The following TRHDE variants were observed in gnomAD, a reference collection of about 807,000 sequenced individuals.
TRHDE encodes the protein thyrotropin-releasing hormone-degrading ectoenzyme.
A neutral mutation model predicts 125.7 loss-of-function variants in TRHDE; 72 were observed. The observed-to-expected ratio is 0.57, with a 90% confidence interval of 0.47 to 0.70. The LOEUF (loss-of-function observed/expected upper bound fraction) is 0.70. TRHDE is among the 30% of genes least tolerant of loss of function. TRHDE has a pLI of 0.00. For missense variants in TRHDE, 1,110 were observed against 1,327.1 expected (o/e 0.84, Z 2.54); for synonymous variants, 509 against 509.1 (o/e 1.00, Z 0.00).
intron 15 of TRHDE, among the ~76,000 whole-genome samples, chr12:72,630,395 G>T (rs1873444329): frequency 6.6e-6 from 1 of 151,734 alleles, no homozygotes. Flanking sequence ...GCCATTAGAA[G>T]CTGGAGAGAG....
At chr12:72,395,716 C>T (rs1872761495) in intron 3 of TRHDE, among the ~76,000 whole-genome samples, 1 of 152,108 alleles carries the variant, frequency 6.6e-6, no homozygotes, top group African/African-American at 2.4e-5. Flanking sequence ...TATTCTATGC[C>T]TGCATTGACT....
intron 2 of TRHDE, among the ~76,000 whole-genome samples, chr12:72,233,542 G>C (rs1202062267): frequency 6.6e-6 from 1 of 152,112 alleles, no homozygotes; most frequent in East Asian, 1.9e-4. Context: ...AAGCAAATTT[G>C]TTTTCTAAGT....
chr12:72,307,571 T>C (rs1215354376), intron 2 of TRHDE, among the ~76,000 whole-genome samples: 1 of 152,086 alleles, frequency 6.6e-6, no homozygotes, highest in East Asian at 1.9e-4. Context: ...TACTGTAGTG[T>C]GTGGAGTTGA....
At chr12:72,218,701 C>T (rs1367301094) in intron 2 of TRHDE, among the ~76,000 whole-genome samples, 4 of 152,094 alleles carry the variant, frequency 2.6e-5, no homozygotes, top group South Asian at 4.1e-4. Flanking sequence ...ACTGCATACA[C>T]ATAACTCTAA....
At chr12:72,457,887 A>G (rs1875938104) in intron 3 of TRHDE, among the ~76,000 whole-genome samples, 2 of 152,174 alleles carry the variant, frequency 1.3e-5, no homozygotes, top group Admixed American at 6.5e-5. Context: ...GGTCATTTAT[A>G]AATAGTATTG....
chr12:72,606,405 C>T (rs899186191), intron 12 of TRHDE, among the ~76,000 whole-genome samples: 5 of 152,156 alleles, frequency 3.3e-5, no homozygotes, highest in African/African-American at 1.2e-4. Flanking sequence ...AGATGCATGG[C>T]ACGTGATGCT....
At chr12:72,351,382 A>G (rs1429711342) in intron 2 of TRHDE, among the ~76,000 whole-genome samples, 2 of 151,958 alleles carry the variant, frequency 1.3e-5, no homozygotes, top group Admixed American at 1.3e-4. Context: ...TCTCTGATGG[A>G]TCCATGGAAA....
chr12:72,523,013 AT>A (rs1868273916), intron 6 of TRHDE, among the ~76,000 whole-genome samples: 2 of 151,856 alleles, frequency 1.3e-5, no homozygotes, highest in Non-Finnish European at 2.9e-5. Context: ...TTGAGAAAAC[AT>A]TTTTATAGCT....
At chr12:72,516,651 A>G (rs527270264) in intron 6 of TRHDE, among the ~76,000 whole-genome samples, 1 of 151,550 alleles carries the variant, frequency 6.6e-6, no homozygotes, top group South Asian at 2.1e-4. Flanking sequence ...TCTCCTGCCT[A>G]ATTGCCCTGG....
At chr12:72,400,169 A>G (rs1244935186) in intron 3 of TRHDE, among the ~76,000 whole-genome samples, 1 of 152,152 alleles carries the variant, frequency 6.6e-6, no homozygotes, top group Non-Finnish European at 1.5e-5. Flanking sequence ...CTGATTAGGC[A>G]AGGGTATCTG....
chr12:72,400,351 T>C (rs1872989196), intron 3 of TRHDE, among the ~76,000 whole-genome samples: 1 of 152,190 alleles, frequency 6.6e-6, no homozygotes, highest in African/African-American at 2.4e-5. Context: ...TTACTGTTGG[T>C]ACGAGCAATT....
At chr12:72,651,759 A>T (rs973506832) in intron 15 of TRHDE, among the ~76,000 whole-genome samples, 2 of 151,970 alleles carry the variant, frequency 1.3e-5, no homozygotes, top group African/African-American at 4.8e-5. Flanking sequence ...TATTTTATAA[A>T]CATAGGAAAA....
At chr12:72,419,509 G>A (rs1290151645) in intron 3 of TRHDE, among the ~76,000 whole-genome samples, 3 of 152,116 alleles carry the variant, frequency 2.0e-5, no homozygotes, top group African/African-American at 7.2e-5. Flanking sequence ...GTCACATGGT[G>A]AGAGTGGGAG....
At chr12:72,483,071 A>G (rs974155191) in intron 5 of TRHDE, among the ~76,000 whole-genome samples, 4 of 151,756 alleles carry the variant, frequency 2.6e-5, no homozygotes, top group Non-Finnish European at 5.9e-5. Context: ...ACAAGGATTA[A>G]TCTACATTGA....
chr12:72,099,783 G>A (rs1048630917), intron 1 of TRHDE, among the ~76,000 whole-genome samples: 7 of 152,286 alleles, frequency 4.6e-5, no homozygotes, highest in Admixed American at 4.6e-4. Flanking sequence ...GAAATCTAGA[G>A]TTCAGGCTCA....
chr12:72,203,277 C>G (rs148117819), intron 2 of TRHDE, among the ~76,000 whole-genome samples: 3 of 152,070 alleles, frequency 2.0e-5, no homozygotes, highest in Non-Finnish European at 2.9e-5. Flanking sequence ...CTGGCGAACA[C>G]GGTGAAATCC....
chr12:72,498,641 T>C (rs1483815237), intron 5 of TRHDE, among the ~76,000 whole-genome samples: 1 of 152,182 alleles, frequency 6.6e-6, no homozygotes, highest in Non-Finnish European at 1.5e-5. Context: ...AACAAAAACC[T>C]AGCTGTTTCT....
At chr12:72,289,476 C>A (rs1172816152) in intron 2 of TRHDE, among the ~76,000 whole-genome samples, 1 of 152,094 alleles carries the variant, frequency 6.6e-6, no homozygotes, top group African/African-American at 2.4e-5. Context: ...TTACCCATCC[C>A]CAAAATGGCT....
At chr12:72,214,733 A>T (rs929391052) in intron 2 of TRHDE, among the ~76,000 whole-genome samples, 1 of 152,222 alleles carries the variant, frequency 6.6e-6, no homozygotes, top group Non-Finnish European at 1.5e-5. Context: ...TGAAGAAAAA[A>T]ACAGACCCTA....
Sources: gnomAD v4.1 joint callset for allele counts (sites outside exome capture counted in the v4.1 genomes callset) on GRCh38, gnomAD v4.1.1 for gene constraint, MANE v1.5 for transcripts, NCBI Gene and HGNC (gene_info 2026-07-23, HGNC 2026-07-21) for gene names.